NKAIN2: variants seen among roughly 807,000 people sequenced by gnomAD.
The protein encoded by NKAIN2 is sodium/potassium-transporting ATPase subunit beta-1-interacting protein 2.
NKAIN2 carries 14 observed loss-of-function variants against 32.6 expected under a neutral mutation model. That is an observed-to-expected ratio of 0.43 (90% CI 0.28 to 0.67). The LOEUF is 0.67. NKAIN2 is among the 30% of genes least tolerant of loss of function. The pLI, the probability that NKAIN2 is intolerant of heterozygous loss-of-function variation, is 0.17. For synonymous variants in NKAIN2, 80 were observed against 87.2 expected, an observed-to-expected ratio of 0.92 and a Z score of 0.46; for missense variants, 198 against 258.3, an observed-to-expected ratio of 0.77 and a Z score of 1.60.
intron 1 of NKAIN2, among the ~76,000 whole-genome samples, chr6:124,171,604 T>G (rs1475585029): frequency 7.7e-6 from 1 of 130,410 alleles, no homozygotes; most frequent in African/African-American, 2.9e-5. Flanking sequence ...CAGGCTGGAG[T>G]GCAGTGGTAC....
intron 4 of NKAIN2, among the ~76,000 whole-genome samples, chr6:124,680,949 A>AAAT (rs1773593931): frequency 1.3e-5 from 2 of 151,998 alleles, no homozygotes; most frequent in Admixed American, 1.3e-4. Flanking sequence ...TATAAATAAA[A>AAAT]AATAATCCAA....
chr6:123,938,451 T>C (rs867721364), intron 1 of NKAIN2, among the ~76,000 whole-genome samples: 6,643 of 79,250 alleles, frequency 0.084, 324 homozygotes, highest in African/African-American at 0.15. Context: ...TATATATATA[T>C]ACACACACAC....
At chr6:124,227,940 A>C (rs1792209066) in intron 1 of NKAIN2, among the ~76,000 whole-genome samples, 1 of 152,166 alleles carries the variant, frequency 6.6e-6, no homozygotes, top group Non-Finnish European at 1.5e-5. Flanking sequence ...TGGGGACTGG[A>C]AAGTTGGAAA....
At chr6:124,032,185 C>T (rs1338063179) in intron 1 of NKAIN2, among the ~76,000 whole-genome samples, 1 of 145,786 alleles carries the variant, frequency 6.9e-6, no homozygotes. Context: ...ACCACATGTT[C>T]TCACTCATAG....
intron 5 of NKAIN2, among the ~76,000 whole-genome samples, chr6:124,802,206 C>G (rs1407306646): frequency 1.3e-5 from 2 of 152,072 alleles, no homozygotes; most frequent in Non-Finnish European, 2.9e-5. Flanking sequence ...TTTTATTTCC[C>G]TAAATATGCA....
intron 1 of NKAIN2, among the ~76,000 whole-genome samples, chr6:123,905,771 C>T (rs189614020): frequency 1.6e-4 from 24 of 152,188 alleles, no homozygotes; most frequent in Non-Finnish European, 2.8e-4. Context: ...ACCAGTTTTA[C>T]CAATAAAATC....
At chr6:124,725,747 G>A (rs565885485) in intron 4 of NKAIN2, among the ~76,000 whole-genome samples, 1 of 152,218 alleles carries the variant, frequency 6.6e-6, no homozygotes, top group Non-Finnish European at 1.5e-5. Context: ...ACAGCTCCCA[G>A]TGTGAGCGAC....
intron 1 of NKAIN2, among the ~76,000 whole-genome samples, chr6:124,219,444 A>G (rs1791684913): frequency 6.6e-6 from 1 of 151,532 alleles, no homozygotes; most frequent in Non-Finnish European, 1.5e-5. Context: ...CATCCGACTA[A>G]TTTTTGTATT....
chr6:124,165,851 A>C (rs1374325372), intron 1 of NKAIN2, among the ~76,000 whole-genome samples: 2 of 135,692 alleles, frequency 1.5e-5, no homozygotes, highest in African/African-American at 2.8e-5. Flanking sequence ...TGAACTCATC[A>C]TTTTTTATGG....
chr6:124,816,840 GTTCTT>G (rs762627256), intron 5 of NKAIN2, among the ~76,000 whole-genome samples: 17 of 152,214 alleles, frequency 1.1e-4, no homozygotes, highest in Non-Finnish European at 2.5e-4. Context: ...TTGGCCTTGT[GTTCTT>G]TTGTTTCTTT....
At chr6:123,853,922 A>G (rs942194061) in intron 1 of NKAIN2, among the ~76,000 whole-genome samples, 1 of 151,898 alleles carries the variant, frequency 6.6e-6, no homozygotes, top group Non-Finnish European at 1.5e-5. Context: ...ACAGGTGCCC[A>G]CCACCACACC....
At position 124,320,852 on chromosome 6, in the gene NKAIN2, A is replaced by T. The variant is rs573340268; in HGVS notation, c.193-34415A>T. 2.0e-5 allele frequency among the ~76,000 whole-genome samples: 3 copies of T among 152,308 alleles called. 1 individual carries two copies. The South Asian group carries it at 6.2e-4, about 32-fold the overall frequency. On this transcript the variant is annotated intron_variant, in intron 2 of 6. Transcript: ENST00000368417. ...GTGCTTGTGGGTTCTCAAGCAGCTA[A>T]TTGCTTCTTTTATAAACCATAATTA...
At chr6:124,692,594 A>G (rs1481643600) in intron 4 of NKAIN2, among the ~76,000 whole-genome samples, 2 of 152,116 alleles carry the variant, frequency 1.3e-5, no homozygotes, top group Non-Finnish European at 2.9e-5. Flanking sequence ...AGGTGGGTGG[A>G]TCACCAGGTC....
At chr6:124,003,290 CT>C (rs1779948817) in intron 1 of NKAIN2, among the ~76,000 whole-genome samples, 1 of 152,104 alleles carries the variant, frequency 6.6e-6, no homozygotes, top group Admixed American at 6.5e-5. Flanking sequence ...ATTATTTTTT[CT>C]AAAAAGCATT....
intron 2 of NKAIN2, among the ~76,000 whole-genome samples, chr6:124,337,214 T>C (rs1019224865): frequency 1.3e-5 from 2 of 152,160 alleles, no homozygotes; most frequent in Admixed American, 6.5e-5. Context: ...AAAAAAATAC[T>C]CGCTGGGTGT....
At chr6:124,119,161 A>G (rs1467378657) in intron 1 of NKAIN2, among the ~76,000 whole-genome samples, 1 of 152,170 alleles carries the variant, frequency 6.6e-6, no homozygotes, top group African/African-American at 2.4e-5. Flanking sequence ...CCAACCAGAA[A>G]GTGGTTGATA....
chr6:124,476,156 C>A (rs141491529), intron 3 of NKAIN2, among the ~76,000 whole-genome samples: 275 of 149,720 alleles, frequency 1.8e-3, no homozygotes, highest in African/African-American at 6.5e-3. Flanking sequence ...TATCCTTGGA[C>A]TTTAAAACAA....
chr6:124,041,321 C>A (rs746822549), intron 1 of NKAIN2, among the ~76,000 whole-genome samples: 3 of 151,956 alleles, frequency 2.0e-5, no homozygotes, highest in Non-Finnish European at 4.4e-5. Context: ...ACTGTAGTAA[C>A]AGAAGCAGTA....
chr6:124,219,804 T>C (rs1264582582), intron 1 of NKAIN2, among the ~76,000 whole-genome samples: 1 of 152,150 alleles, frequency 6.6e-6, no homozygotes, highest in Non-Finnish European at 1.5e-5. Flanking sequence ...TGAAAGCTGG[T>C]TTATTCCTAT....
Sources: gnomAD v4.1 joint callset for allele counts (sites outside exome capture counted in the v4.1 genomes callset) on GRCh38, gnomAD v4.1.1 for gene constraint, MANE v1.5 for transcripts, NCBI Gene and HGNC (gene_info 2026-07-23, HGNC 2026-07-21) for gene names.